The following ADAM22 variants were observed in gnomAD, a reference collection of about 807,000 sequenced individuals.
ADAM22 encodes the protein ADAM metallopeptidase domain 22.
Under a neutral mutation model 144.6 loss-of-function variants are expected in ADAM22, and 65 were observed. The ratio of observed to expected loss-of-function variants is 0.45; its 90% CI spans 0.37 to 0.55. The LOEUF (loss-of-function observed/expected upper bound fraction) is 0.55, where lower values mean the gene tolerates loss of function less well. ADAM22 is among the 20% of genes least tolerant of loss of function. The pLI is 0.00. For missense variants in ADAM22, 974 were observed against 1,184.9 expected, an observed-to-expected ratio of 0.82 and a Z score of 2.61; for synonymous variants, 391 against 412.6, an observed-to-expected ratio of 0.95 and a Z score of 0.63.
intron 15 of ADAM22, among the ~76,000 whole-genome samples, chr7:88,143,811 G>A (rs1835512659): frequency 6.6e-6 from 1 of 152,156 alleles, no homozygotes; most frequent in Non-Finnish European, 1.5e-5. Context: ...TAATTTACCT[G>A]GTTTAATTTT....
At chr7:88,123,505 C>T (rs1829773103) in intron 7 of ADAM22, among the ~76,000 whole-genome samples, 1 of 151,930 alleles carries the variant, frequency 6.6e-6, no homozygotes, top group African/African-American at 2.4e-5. Flanking sequence ...TGGCATAAAG[C>T]TCTTCATAAT....
intron 2 of ADAM22, among the ~76,000 whole-genome samples, chr7:87,952,913 T>A (rs1845635861): frequency 6.6e-6 from 1 of 152,244 alleles, no homozygotes; most frequent in African/African-American, 2.4e-5. Context: ...CTTCTAGATT[T>A]TCTAGTTTAT....
At chr7:88,118,094 G>C (rs892614509) in intron 7 of ADAM22, among the ~76,000 whole-genome samples, 3 of 152,172 alleles carry the variant, frequency 2.0e-5, no homozygotes, top group Non-Finnish European at 2.9e-5. Context: ...CAGCTAGTTT[G>C]TCTTTTCCAG....
At chr7:87,954,113 C>A (rs1027567073) in intron 2 of ADAM22, among the ~76,000 whole-genome samples, 4 of 152,020 alleles carry the variant, frequency 2.6e-5, no homozygotes, top group African/African-American at 9.7e-5. Context: ...CAGTCTGTGT[C>A]TTTTAATTGG....
chr7:88,140,729 G>A (rs1264461510), intron 14 of ADAM22, among the ~76,000 whole-genome samples: 9 of 152,082 alleles, frequency 5.9e-5, no homozygotes, highest in African/African-American at 1.7e-4. Flanking sequence ...CCAGCTACTC[G>A]GGAGGCTGAG....
At chr7:87,945,984 A>G (rs1843599466) in intron 2 of ADAM22, among the ~76,000 whole-genome samples, 1 of 151,716 alleles carries the variant, frequency 6.6e-6, no homozygotes, top group South Asian at 2.1e-4. Flanking sequence ...TGGCTGAATA[A>G]GTTCATTCCC....
rs1323944625 is a variant in ADAM22 at position 88,145,131 on chromosome 7, G to A, written c.1327G>A (p.Asp443Asn). The A allele has an allele frequency of 9.9e-6, 16 of 1,612,982 alleles. No individual in the cohort carries two copies. The highest frequency in any genetic ancestry group is 1.4e-5 in the Non-Finnish European group (16 of 1,179,678). The change falls in exon 16 of 32, where the codon GAT becomes AAT. Residue 443 changes from aspartate to asparagine, a missense_variant. Around this residue, in one of 2 missense-constraint regions of ADAM22, gnomAD observed 734 missense variants for 950.6 expected, o/e 0.77. Coordinates refer to ENST00000413139, the MANE Select transcript of ADAM22 (RefSeq NM_001324418.2). ...CLFNKPSKLLDPPECGNGFIE... is the reference protein window; with the variant it reads ...CLFNKPSKLLNPPECGNGFIE... ...TTTTTGGTTTTCCTCACAGCTTCTT[G>A]ATCCTCCTGAGTGTGGCAATGGCTT...
chr7:88,128,760 GC>G, intron 9 of ADAM22, 84 bp downstream of exon 9: 1 of 1,118,650 alleles, frequency 8.9e-7, no homozygotes, highest in Non-Finnish European at 1.3e-6. Flanking sequence ...AAAACAAGAA[GC>G]CCATCAAGTT....
chr7:88,006,768 G>A (rs199553273), intron 3 of ADAM22, among the ~76,000 whole-genome samples: 58,750 of 140,646 alleles, frequency 0.42, 12,582 homozygotes, highest in East Asian at 0.58. Context: ...AATAAGAGCT[G>A]TCTATGACAA....
At chr7:88,187,646 C>T (rs1848613054) in intron 30 of ADAM22, among the ~76,000 whole-genome samples, 2 of 152,186 alleles carry the variant, frequency 1.3e-5, no homozygotes, top group Admixed American at 6.5e-5. Flanking sequence ...ATTACTACCT[C>T]TTCTGAACAC....
chr7:88,113,703 A>AATAAATCTAT (rs1554478726), intron 5 of ADAM22, among the ~76,000 whole-genome samples: 2 of 48,106 alleles, frequency 4.2e-5, no homozygotes, highest in Non-Finnish European at 7.5e-5. Flanking sequence ...TAAATAAATA[A>AATAAATCTAT]ATATATATAT....
chr7:88,020,513 G>A (rs1051110322), intron 3 of ADAM22, among the ~76,000 whole-genome samples: 2 of 152,168 alleles, frequency 1.3e-5, no homozygotes, highest in Non-Finnish European at 2.9e-5. Flanking sequence ...GGAGAGCAGA[G>A]GCAACTTTTG....
At chr7:88,119,255 T>A (rs971077014) in intron 7 of ADAM22, among the ~76,000 whole-genome samples, 11 of 152,214 alleles carry the variant, frequency 7.2e-5, no homozygotes, top group Admixed American at 7.2e-4. Context: ...ATACCTACAC[T>A]CTTGTTGAGA....
rs539466981 is a variant in ADAM22, at chr7:88,049,826, T to C, written c.324-25800T>C. Among the ~76,000 whole-genome samples the C allele has an allele frequency of 1.7e-4, 26 of 151,630 alleles. No individual in the cohort carries two copies. In the South Asian group the frequency reaches 5.0e-3, roughly 29 times the overall value. ...TGAATGGTATATAGATTCTTTTTTA[T>C]TTTTGGTCAGCAGATGTTATTTTAA... On this transcript the variant is annotated intron_variant, in intron 3 of 31. Coordinates refer to ENST00000413139, the MANE Select transcript of ADAM22 (RefSeq NM_001324418.2).
intron 2 of ADAM22, among the ~76,000 whole-genome samples, chr7:87,935,839 T>TA (rs1285883729): frequency 1.3e-5 from 2 of 152,252 alleles, no homozygotes; most frequent in East Asian, 3.8e-4. Context: ...ATCTAGTTTT[T>TA]ATCACTGTAT....
intron 2 of ADAM22, among the ~76,000 whole-genome samples, chr7:87,947,140 C>T (rs1843874766): frequency 6.6e-6 from 1 of 151,094 alleles, no homozygotes; most frequent in South Asian, 2.1e-4. Flanking sequence ...ATTCATATCC[C>T]AAATCTCAGC....
chr7:88,023,831 C>CG (rs1323302319), intron 3 of ADAM22, among the ~76,000 whole-genome samples: 5 of 152,032 alleles, frequency 3.3e-5, no homozygotes, highest in East Asian at 1.9e-4. Context: ...CCACTTCCCC[C>CG]CTACCCTCCT....
intron 24 of ADAM22, among the ~76,000 whole-genome samples, chr7:88,167,619 A>G (rs1473765674): frequency 6.6e-6 from 1 of 152,138 alleles, no homozygotes; most frequent in African/African-American, 2.4e-5. Flanking sequence ...CAGTGTTTCT[A>G]TCACCTACAT....
At chr7:87,938,352 G>A (rs930145522) in intron 2 of ADAM22, among the ~76,000 whole-genome samples, 3 of 150,874 alleles carry the variant, frequency 2.0e-5, no homozygotes, top group Admixed American at 6.6e-5. Flanking sequence ...CTGAATAACT[G>A]GGATTACAGG....
Sources: allele counts gnomAD v4.1 joint callset (sites outside exome capture counted in the v4.1 genomes callset), GRCh38; gene constraint gnomAD v4.1.1; regional missense constraint gnomAD v4.1.1; transcripts MANE v1.5; gene names NCBI Gene and HGNC (gene_info 2026-07-23, HGNC 2026-07-21).